SLC35D1: variants seen among roughly 807,000 people sequenced by gnomAD.
SLC35D1 encodes nucleotide sugar transporter SLC35D1.
SLC35D1 carries 31 observed loss-of-function variants against 46.7 expected under a neutral mutation model. The observed-to-expected ratio is 0.66, with a 90% CI of 0.50 to 0.90. The LOEUF (loss-of-function observed/expected upper bound fraction) is 0.90. Ranked by LOEUF, SLC35D1 falls within the 40% of genes least tolerant of loss-of-function variation. SLC35D1 has a pLI of 0.00. For synonymous variants in SLC35D1, 195 were observed against 164.6 expected, an observed-to-expected ratio of 1.18 and a Z score of -1.41; for missense variants, 397 against 426.2, an observed-to-expected ratio of 0.93 and a Z score of 0.60.
the SLC35D1 span, among the ~76,000 whole-genome samples, chr1:66,978,069 G>A: frequency 6.6e-6 from 1 of 151,808 alleles, no homozygotes; most frequent in Non-Finnish European, 1.5e-5. Flanking sequence ...GGTGGTGCAC[G>A]CCTATAGTCT....
intron 8 of SLC35D1, among the ~76,000 whole-genome samples, chr1:67,027,328 A>C (rs1667934681): frequency 1.3e-5 from 2 of 152,086 alleles, no homozygotes. Context: ...ATCTTTTTTA[A>C]AAAAAATCTT....
chr1:67,048,041 A>C (rs1645269702), intron 6 of SLC35D1, among the ~76,000 whole-genome samples: 1 of 152,260 alleles, frequency 6.6e-6, no homozygotes, highest in Admixed American at 6.5e-5. Context: ...GTATGCCTTC[A>C]GCATACTTCA....
intron 7 of SLC35D1, among the ~76,000 whole-genome samples, chr1:67,044,153 T>G (rs955529692): frequency 1.3e-5 from 2 of 151,998 alleles, no homozygotes; most frequent in Admixed American, 6.5e-5. Flanking sequence ...CTGGCCAACA[T>G]AGAGTAACCC....
intron 7 of SLC35D1, among the ~76,000 whole-genome samples, chr1:67,043,779 T>G (rs1352362217): frequency 1.3e-5 from 2 of 152,116 alleles, no homozygotes; most frequent in Non-Finnish European, 2.9e-5. Context: ...ATAACACACA[T>G]CTTCAAACAC....
intron 10 of SLC35D1, among the ~76,000 whole-genome samples, chr1:67,012,679 AAG>A (rs1395843358): frequency 1.4e-4 from 22 of 152,286 alleles, no homozygotes; most frequent in African/African-American, 4.8e-4. Flanking sequence ...ACAAAATTAA[AAG>A]AGCAAAAATC....
the SLC35D1 span, among the ~76,000 whole-genome samples, chr1:66,978,292 AGGTATC>A: frequency 2.6e-3 from 392 of 152,148 alleles, 2 homozygotes; most frequent in African/African-American, 9.1e-3. Flanking sequence ...ATTTATAGGT[AGGTATC>A]TCTGCTGGTC....
downstream of SLC35D1, among the ~76,000 whole-genome samples, chr1:66,995,545 G>A (rs1667230955): frequency 1.4e-5 from 2 of 146,642 alleles, no homozygotes; most frequent in African/African-American, 5.0e-5. Flanking sequence ...AGGGAGAGAA[G>A]AGAACATGGT....
chr1:67,031,045 CA>C (rs1668008083), intron 8 of SLC35D1, among the ~76,000 whole-genome samples: 1 of 152,212 alleles, frequency 6.6e-6, no homozygotes, highest in South Asian at 2.1e-4. Flanking sequence ...CTGAATGTTA[CA>C]TTTGATTCAG....
the SLC35D1 span, chr1:66,988,585 A>C: frequency 6.6e-6 from 1 of 152,126 alleles, no homozygotes; most frequent in Non-Finnish European, 1.5e-5. Context: ...AGAATTATAG[A>C]ATGTATAATG....
At chr1:67,014,373 C>G (rs928561211) in intron 10 of SLC35D1, among the ~76,000 whole-genome samples, 2 of 152,148 alleles carry the variant, frequency 1.3e-5, no homozygotes, top group African/African-American at 4.8e-5. Flanking sequence ...ATCTTTTTCA[C>G]TTATGAATAC....
intron 10 of SLC35D1, among the ~76,000 whole-genome samples, chr1:67,017,838 A>G (rs1443132515): frequency 6.6e-6 from 1 of 152,206 alleles, no homozygotes; most frequent in African/African-American, 2.4e-5. Context: ...ACTATGACTA[A>G]AAAAGATATG....
At chr1:67,039,256 T>G (rs1044757066) in intron 8 of SLC35D1, among the ~76,000 whole-genome samples, 1 of 152,238 alleles carries the variant, frequency 6.6e-6, no homozygotes, top group Non-Finnish European at 1.5e-5. Context: ...TTTTCAAATT[T>G]AGGGTTAATC....
chr1:66,978,181 G>A, the SLC35D1 span, among the ~76,000 whole-genome samples: 46 of 146,458 alleles, frequency 3.1e-4, no homozygotes, highest in Middle Eastern at 7.5e-3. Flanking sequence ...GGGCAACAGA[G>A]CGAAACTCCA....
Position 67,001,054 on chromosome 1 carries a change from T to C in SLC35D1, c.*3286A>G, listed in dbSNP as rs901082782. 1 of 152,296 alleles carries C rather than the reference T, an allele frequency of 6.6e-6. No homozygotes were observed. Among genetic ancestry groups the C allele is most frequent in the Non-Finnish European group, 1.5e-5 (1 of 68,034 alleles). The allele number at this position is 152,296 out of a possible 1,614,324, so 9.4% of individuals were successfully genotyped here. ...TCTGGCTAAAGAATTACACACTCCT[T>C]GAAAGCAAGAACCATGTCTTGTTTA... On this transcript the variant is annotated 3_prime_UTR_variant, in exon 12 of 12. Coordinates refer to ENST00000235345, the MANE Select transcript of SLC35D1 (RefSeq NM_015139.3).
rs1645347140 is a variant in SLC35D1, at chr1:67,054,110, C to A, written c.-97G>T. 3 of 1,258,164 alleles carry A rather than the reference C, an allele frequency of 2.4e-6. No individual in the cohort carries two copies. The highest frequency in any genetic ancestry group is 3.3e-6 in the Non-Finnish European group (3 of 907,208). 77.9% of individuals were successfully genotyped at this position (1,258,164 alleles called of 1,614,324 possible). A position where few individuals can be genotyped will look rare whatever the true frequency, so the allele number is the denominator to read the frequency against. ...GACTCCAGGAGTTGGGGACCGCAGA[C>A]TAGGCCAGCTGCGCGCTCGCCGCCT... On this transcript the variant is annotated 5_prime_UTR_variant, in exon 1 of 12. Transcript: ENST00000235345.
intron 10 of SLC35D1, 126 bp from the exon 11 acceptor site, chr1:67,009,293 A>T (rs1213194166): frequency 1.4e-5 from 6 of 425,238 alleles, no homozygotes; most frequent in Admixed American, 3.9e-5. Flanking sequence ...AACAATGAAA[A>T]CGCACCAACC....
chr1:67,012,078 G>A (rs1355686386), intron 10 of SLC35D1, among the ~76,000 whole-genome samples: 2 of 152,178 alleles, frequency 1.3e-5, no homozygotes, highest in East Asian at 3.9e-4. Flanking sequence ...AGTCACGTCA[G>A]GTGGCCAGTC....
At chr1:67,011,744 G>C (rs1205101918) in intron 10 of SLC35D1, among the ~76,000 whole-genome samples, 1 of 152,022 alleles carries the variant, frequency 6.6e-6, no homozygotes, top group Admixed American at 6.6e-5. Flanking sequence ...TCAGCCTCCC[G>C]AAGTGTTGGG....
the SLC35D1 span, chr1:66,986,441 A>G: frequency 1.2e-5 from 20 of 1,612,548 alleles, no homozygotes; most frequent in African/African-American, 2.7e-5. Flanking sequence ...TTTTTCAGCC[A>G]TCAGTTCAAG....
Sources: gnomAD v4.1 joint callset for allele counts (sites outside exome capture counted in the v4.1 genomes callset) on GRCh38, gnomAD v4.1.1 for gene constraint, MANE v1.5 for transcripts, NCBI Gene and HGNC (gene_info 2026-07-23, HGNC 2026-07-21) for gene names.